Variants in CYP4X1 observed in about 807,000 individuals in gnomAD.
CYP4X1 encodes the protein cytochrome P450 4X1.
Under a neutral mutation model 57.9 loss-of-function variants are expected in CYP4X1, and 44 were observed. The ratio of observed to expected loss-of-function variants is 0.76; its 90% confidence interval spans 0.60 to 0.98. The LOEUF is 0.98. Ranked by LOEUF, CYP4X1 falls within the 50% of genes least tolerant of loss-of-function variation. The pLI is 0.00. For synonymous variants in CYP4X1, 227 were observed against 228.6 expected (o/e 0.99, Z 0.06); for missense variants, 532 against 623.9 (o/e 0.85, Z 1.57).
At chr1:47,027,351 A>G (rs1308936528) in intron 1 of CYP4X1, among the ~76,000 whole-genome samples, 1 of 152,158 alleles carries the variant, frequency 6.6e-6, no homozygotes, top group Non-Finnish European at 1.5e-5. Context: ...ACTGTTTTAC[A>G]TAGGCAGTAA....
chr1:46,980,471 TAAA>T, the CYP4X1 span, among the ~76,000 whole-genome samples: 1 of 151,988 alleles, frequency 6.6e-6, no homozygotes, highest in South Asian at 2.1e-4. Flanking sequence ...CTCAATGAAA[TAAA>T]AGAGGACACA....
the CYP4X1 span, among the ~76,000 whole-genome samples, chr1:47,004,547 G>A: frequency 6.6e-6 from 1 of 152,168 alleles, no homozygotes; most frequent in Non-Finnish European, 1.5e-5. Flanking sequence ...TTTCCATGTG[G>A]AGGTGCCTAG....
chr1:46,987,804 G>A, the CYP4X1 span, among the ~76,000 whole-genome samples: 2 of 151,946 alleles, frequency 1.3e-5, no homozygotes, highest in African/African-American at 4.8e-5. Context: ...TAACAAAATT[G>A]AGGCAGAAAC....
At chr1:46,978,555 A>G in the CYP4X1 span, among the ~76,000 whole-genome samples, 3 of 152,124 alleles carry the variant, frequency 2.0e-5, no homozygotes, top group African/African-American at 7.3e-5. Flanking sequence ...TGTCAATATT[A>G]GATGTATCAA....
chr1:47,043,848 T>A (rs1441913395), intron 8 of CYP4X1, among the ~76,000 whole-genome samples: 3 of 152,194 alleles, frequency 2.0e-5, no homozygotes, highest in Admixed American at 2.0e-4. Context: ...TATATAATGG[T>A]CTTCTTGTCT....
chr1:47,013,759 C>CTTTTTTT, the CYP4X1 span, among the ~76,000 whole-genome samples: 1 of 122,118 alleles, frequency 8.2e-6, no homozygotes, highest in East Asian at 2.4e-4. Flanking sequence ...TCAATATACT[C>CTTTTTTT]TTTTTTTTTT....
the CYP4X1 span, among the ~76,000 whole-genome samples, chr1:47,006,128 T>G: frequency 6.6e-6 from 1 of 152,244 alleles, no homozygotes; most frequent in South Asian, 2.1e-4. Flanking sequence ...ATGGGGTAAA[T>G]GTTTTACATA....
the CYP4X1 span, among the ~76,000 whole-genome samples, chr1:46,999,297 T>C: frequency 6.6e-6 from 1 of 152,218 alleles, no homozygotes; most frequent in African/African-American, 2.4e-5. Flanking sequence ...TGGTTCAATC[T>C]TGGGATTTTG....
the CYP4X1 span, among the ~76,000 whole-genome samples, chr1:46,980,446 A>G: frequency 3.9e-5 from 6 of 152,188 alleles, no homozygotes; most frequent in Admixed American, 2.0e-4. Context: ...CTTCAAGGAG[A>G]ACTACAAACC....
Position 47,023,871 on chromosome 1 carries a change from C to G in CYP4X1, c.54C>G (p.Phe18Leu), listed in dbSNP as rs372846355. The change falls in exon 1 of 12, where the codon TTC (phenylalanine) becomes TTG (leucine). Residue 18 changes from phenylalanine (F) to leucine (L), a missense_variant. By Grantham distance (22) the Phe-to-Leu change is conservative. Coordinates refer to ENST00000371901, the MANE Select transcript of CYP4X1 (RefSeq NM_178033.2). ...TRWARPFYLA[F>L]VFCLALGLLQ... The stretch of plus-strand genomic sequence containing the variant: ...GGGCGCGGCCCTTTTACCTGGCGTT[C>G]GTGTTCTGCCTGGCCCTGGGGCTGC... 3 of 1,613,586 alleles carry G rather than the reference C, an allele frequency of 1.9e-6. No homozygotes were observed. The highest frequency in any genetic ancestry group is 2.7e-5 in the African/African-American group (2 of 74,942).
intron 2 of CYP4X1, among the ~76,000 whole-genome samples, chr1:47,030,755 C>G (rs535885444): frequency 6.6e-6 from 1 of 152,270 alleles, no homozygotes; most frequent in African/African-American, 2.4e-5. Flanking sequence ...TTTTATATTC[C>G]AGTCTTCCCT....
At chr1:47,008,431 C>G in the CYP4X1 span, among the ~76,000 whole-genome samples, 6 of 152,310 alleles carry the variant, frequency 3.9e-5, no homozygotes, top group East Asian at 1.9e-4. Flanking sequence ...AAGCACTAAA[C>G]ATGGAAAGGA....
In CYP4X1 at chr1:47,024,180, G is replaced by A. The variant is rs1211552301; in HGVS notation, c.177+186G>A. The stretch of plus-strand genomic sequence containing the variant: ...CCTTGCTCTGGAGAATTGCTTTCCC[G>A]CAGCCCCACAGGGAAAGGTCACAAA... On this transcript the variant is annotated intron_variant, in intron 1 of 11. Transcript: ENST00000371901. Among the ~76,000 whole-genome samples, 3 of 152,288 alleles carry A rather than the reference G, an allele frequency of 2.0e-5. No homozygotes were observed. The East Asian group carries it at 5.8e-4, about 29-fold the overall frequency.
chr1:47,013,220 A>C, the CYP4X1 span, among the ~76,000 whole-genome samples: 1 of 152,210 alleles, frequency 6.6e-6, no homozygotes, highest in South Asian at 2.1e-4. Flanking sequence ...AAATTTTGGC[A>C]AATTTATGAC....
the CYP4X1 span, among the ~76,000 whole-genome samples, chr1:46,966,337 T>C: frequency 5.3e-5 from 8 of 152,170 alleles, no homozygotes; most frequent in African/African-American, 1.9e-4. Flanking sequence ...TGGGTTGCTG[T>C]GTGGGCCTGA....
At chr1:46,976,051 C>T in the CYP4X1 span, among the ~76,000 whole-genome samples, 1 of 151,984 alleles carries the variant, frequency 6.6e-6, no homozygotes, top group African/African-American at 2.4e-5. Flanking sequence ...TGGGTGATTT[C>T]TGCATTTCCA....
the CYP4X1 span, among the ~76,000 whole-genome samples, chr1:47,014,606 A>C: frequency 6.6e-6 from 1 of 152,184 alleles, no homozygotes; most frequent in South Asian, 2.1e-4. Context: ...GACTTCCATG[A>C]TATGAATTCC....
chr1:46,965,871 G>C, the CYP4X1 span, among the ~76,000 whole-genome samples: 1 of 152,200 alleles, frequency 6.6e-6, no homozygotes, highest in Admixed American at 6.5e-5. Context: ...TCCTGGGAGA[G>C]ACCAGAGCCC....
intron 1 of CYP4X1, among the ~76,000 whole-genome samples, chr1:47,028,039 G>A (rs1336433862): frequency 6.6e-6 from 1 of 152,186 alleles, no homozygotes; most frequent in Non-Finnish European, 1.5e-5. Context: ...TTTGTTGAAT[G>A]CATAAATATA....
Sources: gnomAD v4.1 joint callset for allele counts (sites outside exome capture counted in the v4.1 genomes callset) on GRCh38, gnomAD v4.1.1 for gene constraint, MANE v1.5 for transcripts, NCBI Gene and HGNC (gene_info 2026-07-23, HGNC 2026-07-21) for gene names.